PAPPA2: variants seen among roughly 807,000 people sequenced by gnomAD.
PAPPA2 encodes the protein pappalysin 2.
In PAPPA2, 86 loss-of-function variants were observed where a neutral mutation model predicts 176.4. The observed-to-expected ratio is 0.49, with a 90% CI of 0.41 to 0.58. PAPPA2 has a LOEUF of 0.58. PAPPA2 is among the 20% of genes least tolerant of loss of function. The probability of loss-of-function intolerance (pLI) is 0.00; values close to 1 mark genes in which losing one functional copy is unlikely to be tolerated. For synonymous variants in PAPPA2, 809 were observed against 852.2 expected (o/e 0.95, Z 0.88); for missense variants, 2,073 against 2,256.9 (o/e 0.92, Z 1.65).
chr1:176,835,935 C>G (rs1369823476), intron 21 of PAPPA2, among the ~76,000 whole-genome samples: 1 of 152,064 alleles, frequency 6.6e-6, no homozygotes, highest in Non-Finnish European at 1.5e-5. Flanking sequence ...TGCTAGGGCT[C>G]TAGTCTTGAT....
chr1:176,592,489 C>A (rs1653725759), intron 2 of PAPPA2, among the ~76,000 whole-genome samples: 1 of 152,046 alleles, frequency 6.6e-6, no homozygotes, highest in South Asian at 2.1e-4. Flanking sequence ...TTAGAAATAT[C>A]ATTTCAGATA....
intron 3 of PAPPA2, among the ~76,000 whole-genome samples, chr1:176,602,431 G>C (rs768432206): frequency 6.6e-6 from 1 of 152,172 alleles, no homozygotes; most frequent in South Asian, 2.1e-4. Flanking sequence ...TGGCATCAAA[G>C]GGAACAGGTG....
intron 8 of PAPPA2, 27 bp downstream of exon 8, chr1:176,699,616 C>A (rs760861811): frequency 6.4e-6 from 10 of 1,568,146 alleles, no homozygotes; most frequent in Middle Eastern, 1.7e-4. Flanking sequence ...GACTATGGGG[C>A]TTCCTGAGGC....
intron 12 of PAPPA2, among the ~76,000 whole-genome samples, chr1:176,736,011 C>G (rs10913245): frequency 6.6e-6 from 1 of 151,830 alleles, no homozygotes; most frequent in Non-Finnish European, 1.5e-5. Context: ...TTTGTTAAAA[C>G]GAATAGTAAA....
intron 3 of PAPPA2, among the ~76,000 whole-genome samples, chr1:176,622,228 A>G (rs1230872378): frequency 6.6e-6 from 1 of 152,232 alleles, no homozygotes; most frequent in Non-Finnish European, 1.5e-5. Context: ...ACTGCCAGAA[A>G]TGAAAGAAAT....
At chr1:176,807,677 G>A (rs572721784) in intron 21 of PAPPA2, among the ~76,000 whole-genome samples, 2 of 152,040 alleles carry the variant, frequency 1.3e-5, no homozygotes, top group South Asian at 4.1e-4. Flanking sequence ...TGTATTTTTA[G>A]TAGAGACAGG....
At chr1:176,486,675 A>G (rs1652657124) in intron 1 of PAPPA2, among the ~76,000 whole-genome samples, 1 of 152,242 alleles carries the variant, frequency 6.6e-6, no homozygotes, top group African/African-American at 2.4e-5. Flanking sequence ...AAGCTCAGGT[A>G]CTTTTTGAAA....
chr1:176,655,872 G>C (rs934617372), intron 3 of PAPPA2, among the ~76,000 whole-genome samples: 3 of 151,750 alleles, frequency 2.0e-5, no homozygotes, highest in Non-Finnish European at 4.4e-5. Context: ...GTTCCTTAGA[G>C]TTTATCCTCT....
At chr1:176,601,181 T>C (rs976317903) in intron 3 of PAPPA2, among the ~76,000 whole-genome samples, 1 of 152,202 alleles carries the variant, frequency 6.6e-6, no homozygotes, top group Non-Finnish European at 1.5e-5. Flanking sequence ...CCCTCTGTCA[T>C]GTCTGCTTTC....
intron 6 of PAPPA2, among the ~76,000 whole-genome samples, chr1:176,694,586 T>A (rs777535303): frequency 3.3e-5 from 5 of 152,318 alleles, no homozygotes; most frequent in South Asian, 2.1e-4. Context: ...ACTTGATGCC[T>A]CCGTTTTCAG....
At chr1:176,747,949 T>C (rs979725944) in intron 14 of PAPPA2, among the ~76,000 whole-genome samples, 1 of 152,200 alleles carries the variant, frequency 6.6e-6, no homozygotes, top group Non-Finnish European at 1.5e-5. Flanking sequence ...GTCTGCTCCA[T>C]TGGGAAGCTC....
At chr1:176,591,795 A>C (rs1653684957) in intron 2 of PAPPA2, among the ~76,000 whole-genome samples, 1 of 152,190 alleles carries the variant, frequency 6.6e-6, no homozygotes, top group African/African-American at 2.4e-5. Flanking sequence ...ACCTTGGACA[A>C]ATCTAAGATG....
chr1:176,470,085 T>G lies in PAPPA2; in HGVS notation c.-917+6667T>G, dbSNP rs117251085. On this transcript the variant is annotated intron_variant, in intron 1 of 22. Coordinates refer to ENST00000367662, the MANE Select transcript of PAPPA2 (RefSeq NM_020318.3). The stretch of plus-strand genomic sequence containing the variant: ...TGTAACAGGAAACAAAATGTTCAGT[T>G]AAGTCTCCAAATGCAAATAATAACA... Among the ~76,000 whole-genome samples the G allele has an allele frequency of 1.3e-3, 196 of 152,262 alleles. 1 individual carries two copies. Among genetic ancestry groups the G allele is most frequent in the East Asian group, 7.0e-3 (36 of 5,172 alleles).
chr1:176,778,649 G>A (rs1664567415), intron 17 of PAPPA2, among the ~76,000 whole-genome samples: 1 of 152,160 alleles, frequency 6.6e-6, no homozygotes, highest in African/African-American at 2.4e-5. Context: ...TGTCATAGCG[G>A]TGTGCCTATA....
rs954668366 is a variant in PAPPA2, at chr1:176,550,188, G to C, written c.-916-5219G>C. ...TGTTCTTACTGTCTGCAGGTCTGTG[G>C]GTAAGTAGTTTAACCTGTTTCAGCC... On this transcript the variant is annotated intron_variant, in intron 1 of 22. Coordinates refer to ENST00000367662, the MANE Select transcript of PAPPA2 (RefSeq NM_020318.3). 4.6e-5 allele frequency among the ~76,000 whole-genome samples: 7 copies of C among 152,270 alleles called. No homozygotes were observed. In the East Asian group the frequency reaches 1.3e-3, roughly 29 times the overall value.
chr1:176,828,723 G>T (rs1282163451), intron 21 of PAPPA2, among the ~76,000 whole-genome samples: 2 of 152,056 alleles, frequency 1.3e-5, no homozygotes, highest in Admixed American at 6.6e-5. Context: ...CTAACAAAAG[G>T]CCGGGCGTGG....
chr1:176,576,147 T>A (rs1484296652), intron 2 of PAPPA2, among the ~76,000 whole-genome samples: 2 of 152,164 alleles, frequency 1.3e-5, no homozygotes, highest in Non-Finnish European at 2.9e-5. Flanking sequence ...TGGCAAATGG[T>A]TGCTAAATGG....
chr1:176,721,695 C>A (rs1661628437), intron 12 of PAPPA2, among the ~76,000 whole-genome samples: 1 of 152,040 alleles, frequency 6.6e-6, no homozygotes, highest in South Asian at 2.1e-4. Flanking sequence ...TTAATATATT[C>A]TCTCTGTCTT....
At chr1:176,815,536 G>A (rs969468268) in intron 21 of PAPPA2, among the ~76,000 whole-genome samples, 2 of 152,098 alleles carry the variant, frequency 1.3e-5, no homozygotes, top group African/African-American at 4.8e-5. Context: ...ATGCATACAT[G>A]TATATGTATT....
Sources: gnomAD v4.1 joint callset for allele counts (sites outside exome capture counted in the v4.1 genomes callset) on GRCh38, gnomAD v4.1.1 for gene constraint, MANE v1.5 for transcripts, NCBI Gene and HGNC (gene_info 2026-07-23, HGNC 2026-07-21) for gene names.